The following POLH variants were observed in gnomAD, a reference collection of about 807,000 sequenced individuals.
The protein encoded by POLH is DNA polymerase eta transcript.
Under a neutral mutation model 73.6 loss-of-function variants are expected in POLH, and 53 were observed. The ratio of observed to expected loss-of-function variants is 0.72; its 90% CI spans 0.58 to 0.91. The LOEUF (loss-of-function observed/expected upper bound fraction) is 0.91, where lower values mean the gene tolerates loss of function less well. POLH is among the 40% of genes least tolerant of loss of function. POLH has a pLI of 0.00. For synonymous variants in POLH, 292 were observed against 308.5 expected, an observed-to-expected ratio of 0.95 and a Z score of 0.56; for missense variants, 768 against 865.4, an observed-to-expected ratio of 0.89 and a Z score of 1.41.
intron 2 of POLH, 148 bp downstream of exon 2, chr6:43,582,604 C>T: frequency 1.2e-6 from 1 of 826,536 alleles, no homozygotes; most frequent in South Asian, 1.3e-5. Flanking sequence ...CAGCTCACAG[C>T]AGCTTTGACC....
At chr6:43,605,547 C>T (rs980849482) in intron 9 of POLH, among the ~76,000 whole-genome samples, 17 of 145,806 alleles carry the variant, frequency 1.2e-4, no homozygotes, top group African/African-American at 4.3e-4. Flanking sequence ...CTCTTAGGCT[C>T]AAGCTCTCCT....
intron 6 of POLH, 85 bp from the exon 7 acceptor site, chr6:43,603,807 G>A (rs909716298): frequency 7.2e-7 from 1 of 1,396,034 alleles, no homozygotes; most frequent in South Asian, 1.2e-5. Flanking sequence ...TTGGAGAGCT[G>A]TTTACAAAGT....
Position 43,610,600 on chromosome 6 carries a change from G to T in POLH, c.1121G>T (p.Gly374Val). Residue 374 changes from glycine to valine, a missense_variant, in exon 10 of 11, where the codon GGA (glycine) becomes GTA (valine). By Grantham distance (109) the Gly-to-Val change is moderately radical. Transcript: ENST00000372236. ...TQLVVSIRVQ[G>V]DKRLSSLRRC... The stretch of plus-strand genomic sequence containing the variant: ...CTGGTTGTGAGCATTCGTGTACAAG[G>T]AGACAAACGCCTCAGCAGCCTGCGC... The T allele has an allele frequency of 6.2e-7, 1 of 1,614,056 alleles. No homozygotes were observed. The highest frequency in any genetic ancestry group is 8.5e-7 in the Non-Finnish European group (1 of 1,179,992).
chr6:43,582,735 G>T (rs375488291), intron 2 of POLH, among the ~76,000 whole-genome samples: 38 of 152,164 alleles, frequency 2.5e-4, no homozygotes, highest in African/African-American at 8.2e-4. Flanking sequence ...GGTTGGGGGG[G>T]CAGGGCTCAC....
At chr6:43,580,473 CCAGTA>C (rs1763936522) in intron 1 of POLH, among the ~76,000 whole-genome samples, 2 of 149,556 alleles carry the variant, frequency 1.3e-5, no homozygotes, top group Admixed American at 1.3e-4. Context: ...TCCTCACTTC[CCAGTA>C]GGGGCGGCCG....
chr6:43,597,505 G>A (rs908248862), intron 4 of POLH, among the ~76,000 whole-genome samples, 191 bp from the exon 5 acceptor site: 2 of 152,204 alleles, frequency 1.3e-5, no homozygotes, highest in African/African-American at 4.8e-5. Flanking sequence ...AGCCTATGCT[G>A]AAGCTAAGCT....
intron 9 of POLH, among the ~76,000 whole-genome samples, chr6:43,606,574 A>G (rs952748163): frequency 1.3e-5 from 2 of 151,960 alleles, no homozygotes; most frequent in Non-Finnish European, 2.9e-5. Flanking sequence ...GATTACAGGT[A>G]CCTGCCACCA....
intron 10 of POLH, among the ~76,000 whole-genome samples, chr6:43,613,034 A>G (rs926015487): frequency 2.6e-5 from 4 of 151,284 alleles, no homozygotes; most frequent in African/African-American, 7.3e-5. Flanking sequence ...TCCTGACCTC[A>G]TGACCCACCC....
Position 43,614,848 on chromosome 6 carries a change from G to A in POLH, c.*291G>A. ...GTGTGGGCCTTGGAGTCTAAGAGAC[G>A]TGGTTGCAAACTTAGCTCTGGTTAT... On this transcript the variant is annotated 3_prime_UTR_variant, in exon 11 of 11. Transcript: ENST00000372236. The A allele has an allele frequency of 5.4e-6, 2 of 372,310 alleles. No individual in the cohort carries two copies. The highest frequency in any genetic ancestry group is 9.7e-6 in the Non-Finnish European group (2 of 206,524). 23.1% of individuals were successfully genotyped at this position (372,310 alleles called of 1,614,324 possible). A position where few individuals can be genotyped will look rare whatever the true frequency, so the allele number is the denominator to read the frequency against.
intron 5 of POLH, among the ~76,000 whole-genome samples, chr6:43,599,511 G>A (rs1023391187): frequency 6.6e-6 from 1 of 152,052 alleles, no homozygotes; most frequent in Non-Finnish European, 1.5e-5. Flanking sequence ...AAGAGCCCAG[G>A]ACTTTCATCC....
intron 6 of POLH, among the ~76,000 whole-genome samples, chr6:43,602,868 A>C (rs1418345829): frequency 2.0e-5 from 3 of 151,542 alleles, no homozygotes; most frequent in Non-Finnish European, 4.4e-5. Flanking sequence ...AGGTTTTACT[A>C]TTTTGGCCAG....
In POLH at chr6:43,610,706, T is replaced by C. The variant is rs1582319189; in HGVS notation, c.1227T>C (p.Ser409=). ...CTGTCATCAAGAACTGTAATACTTC[T>C]GGAATCCAGACAGAATGGTGAGTTC... ...AFTVIKNCNT[S]GIQTEWSPPL... Residue 409 remains serine (S), a synonymous_variant, in exon 10 of 11, where the codon TCT becomes TCC. Transcript: ENST00000372236. 6.2e-7 allele frequency: 1 copy of C among 1,612,574 alleles called. No homozygotes were observed. The highest frequency in any genetic ancestry group is 8.5e-7 in the Non-Finnish European group (1 of 1,179,582).
At chr6:43,589,435 G>T (rs1765202481) in intron 4 of POLH, among the ~76,000 whole-genome samples, 1 of 152,076 alleles carries the variant, frequency 6.6e-6, no homozygotes, top group African/African-American at 2.4e-5. Context: ...ATGTTTGTTT[G>T]TTTTGCTTTA....
Position 43,610,581 on chromosome 6 carries a change from G to C in POLH, c.1102G>C (p.Val368Leu). Residue 368 changes from valine (V) to leucine (L), a missense_variant, in exon 10 of 11, where the codon GTG becomes CTG. By Grantham distance (32) the Val-to-Leu change is conservative. Transcript: ENST00000372236. ...TGACAGGGTAGCCACCCAGCTGGTT[G>C]TGAGCATTCGTGTACAAGGAGACAA... ...DNDRVATQLV[V>L]SIRVQGDKRL... is the part of the protein sequence containing the mutation. The C allele has an allele frequency of 6.2e-7, 1 of 1,614,062 alleles. No individual in the cohort carries two copies. Among genetic ancestry groups the C allele is most frequent in the Non-Finnish European group, 8.5e-7 (1 of 1,180,006 alleles).
chr6:43,587,310 C>T lies in POLH; in HGVS notation c.311C>T (p.Ser104Phe). The stretch of plus-strand genomic sequence containing the variant: ...AGTGTTGAAGTGATGGAGATAATGT[C>T]TCGTTTTGCTGTGATTGAACGTGCC... ...EASVEVMEIM[S>F]RFAVIERASI... Residue 104 changes from serine to phenylalanine, a missense_variant, in exon 4 of 11, where the codon TCT becomes TTT. Physicochemically the swap from Ser to Phe is radical, Grantham distance 155. Coordinates refer to ENST00000372236, the MANE Select transcript of POLH (RefSeq NM_006502.3). The T allele has an allele frequency of 1.2e-6, 2 of 1,614,074 alleles. No individual in the cohort carries two copies. Among genetic ancestry groups the T allele is most frequent in the South Asian group, 2.2e-5 (2 of 91,086 alleles).
At position 43,614,386 on chromosome 6, in the gene POLH, G is replaced by A; in HGVS notation, c.1971G>A (p.Leu657=). 1 of 1,614,138 alleles carries A rather than the reference G, an allele frequency of 6.2e-7. No individual in the cohort carries two copies. Among genetic ancestry groups the A allele is most frequent in the Non-Finnish European group, 8.5e-7 (1 of 1,180,008 alleles). Residue 657 remains leucine (L), a synonymous_variant, in exon 11 of 11, where the codon TTG becomes TTA. Transcript: ENST00000372236. ...AACACATGGACTATCATTTTGCATT[G>A]GAGTTGCAGAAATCCTTTTTGCAGC... ...MPEHMDYHFA[L]ELQKSFLQPH...
At chr6:43,587,100 T>G (rs1764907055) in intron 3 of POLH, among the ~76,000 whole-genome samples, 172 bp from the exon 4 acceptor site, 1 of 152,188 alleles carries the variant, frequency 6.6e-6, no homozygotes, top group Admixed American at 6.5e-5. Flanking sequence ...CTTCTATTAT[T>G]GACCATCTGC....
rs1208848737 is a variant in POLH, at chr6:43,585,637, C to CTTTTTTTTTTTT, written c.273-1629_273-1618dup. On this transcript the variant is annotated intron_variant, in intron 3 of 10. Transcript: ENST00000372236. ...GTATGAGTATATTGCTCTTTCTTTT[C>CTTTTTTTTTTTT]TTTTTTTTTTTTTTTTTGTGGGTGG... is the stretch of plus-strand genomic sequence containing the variant. Among the ~76,000 whole-genome samples the CTTTTTTTTTTTT allele has an allele frequency of 9.6e-3, 1,024 of 107,170 alleles. 35 individuals are homozygous for CTTTTTTTTTTTT. The highest frequency in any genetic ancestry group is 0.052 in the African/African-American group (945 of 18,284). The allele number at this position is 107,170 out of a possible 152,430, so 70.3% of individuals were successfully genotyped here.
intron 4 of POLH, among the ~76,000 whole-genome samples, chr6:43,595,040 A>G (rs936747625): frequency 6.6e-6 from 1 of 152,168 alleles, no homozygotes; most frequent in Non-Finnish European, 1.5e-5. Context: ...TCTACAAAAA[A>G]TACAAATTAG....
Sources: allele counts gnomAD v4.1 joint callset (sites outside exome capture counted in the v4.1 genomes callset), GRCh38; gene constraint gnomAD v4.1.1; transcripts MANE v1.5; gene names NCBI Gene and HGNC (gene_info 2026-07-23, HGNC 2026-07-21).